TENT2: variants seen among roughly 807,000 people sequenced by gnomAD.
TENT2 encodes the protein poly(A) RNA polymerase GLD2.
In TENT2, 44 loss-of-function variants were observed where a neutral mutation model predicts 72.2. That is an observed-to-expected ratio of 0.61 (90% CI 0.48 to 0.78). The LOEUF (loss-of-function observed/expected upper bound fraction) is 0.78, where lower values mean the gene tolerates loss of function less well. Among genes scored for constraint, TENT2 ranks in the 30% least tolerant of loss-of-function variants. TENT2 has a pLI of 0.00. For synonymous variants in TENT2, 212 were observed against 192.5 expected (o/e 1.10, Z -0.84); for missense variants, 541 against 569.6 (o/e 0.95, Z 0.51).
At chr5:79,621,179 A>G (rs1386017627) in intron 3 of TENT2, among the ~76,000 whole-genome samples, 2 of 152,134 alleles carry the variant, frequency 1.3e-5, no homozygotes, top group African/African-American at 4.8e-5. Flanking sequence ...CTTTACAACT[A>G]ACGGTTTGAT....
chr5:79,667,855 A>G (rs1282845199), intron 11 of TENT2, among the ~76,000 whole-genome samples: 2 of 141,992 alleles, frequency 1.4e-5, no homozygotes, highest in Non-Finnish European at 3.0e-5. Context: ...CTTTAATTAC[A>G]TTAGTATCTA....
intron 11 of TENT2, among the ~76,000 whole-genome samples, chr5:79,667,780 A>G (rs984063798): frequency 1.3e-5 from 2 of 152,090 alleles, no homozygotes; most frequent in African/African-American, 2.4e-5. Context: ...ATGATGCACT[A>G]TGCAATTTCT....
At chr5:79,648,346 G>A (rs1202700583) in intron 8 of TENT2, among the ~76,000 whole-genome samples, 1 of 152,040 alleles carries the variant, frequency 6.6e-6, no homozygotes, top group Non-Finnish European at 1.5e-5. Context: ...TTTTATTTGG[G>A]GTAATTGGAG....
chr5:79,647,579 A>C (rs1458309223), intron 8 of TENT2, among the ~76,000 whole-genome samples: 1 of 152,204 alleles, frequency 6.6e-6, no homozygotes. Context: ...GATAATGGAA[A>C]GATTGTAAGA....
intron 12 of TENT2, among the ~76,000 whole-genome samples, chr5:79,672,950 C>G (rs990974342): frequency 1.3e-5 from 2 of 152,134 alleles, no homozygotes; most frequent in African/African-American, 4.8e-5. Context: ...TCCTTGCCAG[C>G]ATTCATTGTT....
intron 10 of TENT2, among the ~76,000 whole-genome samples, chr5:79,650,054 C>T (rs1172848208): frequency 2.0e-5 from 3 of 151,930 alleles, no homozygotes; most frequent in African/African-American, 7.2e-5. Context: ...ACATGAAGAC[C>T]GAGTGAAAGA....
chr5:79,613,238 G>C (rs2149749139), intron 1 of TENT2, among the ~76,000 whole-genome samples, 163 bp downstream of exon 1: 1 of 152,274 alleles, frequency 6.6e-6, no homozygotes, highest in Middle Eastern at 3.4e-3. Flanking sequence ...AAAGCTCTTC[G>C]TCTCTCAAGG....
At chr5:79,676,762 G>A (rs1021517936) in intron 12 of TENT2, among the ~76,000 whole-genome samples, 3 of 152,038 alleles carry the variant, frequency 2.0e-5, no homozygotes, top group South Asian at 2.1e-4. Context: ...CCCCATATCT[G>A]TTCTTCTTTC....
intron 1 of TENT2, among the ~76,000 whole-genome samples, chr5:79,617,210 G>A (rs1225796948): frequency 6.6e-6 from 1 of 150,684 alleles, no homozygotes; most frequent in Non-Finnish European, 1.5e-5. Flanking sequence ...AGCACTTTTT[G>A]TACCCTCTTG....
chr5:79,683,923 CAAAAAAAAAA>C (rs761567083), intron 14 of TENT2, among the ~76,000 whole-genome samples: 14 of 41,564 alleles, frequency 3.4e-4, no homozygotes, highest in South Asian at 9.9e-4. Flanking sequence ...GACTCCGTCT[CAAAAAAAAAA>C]AAAAAAAAAA....
rs71855117 is a variant in TENT2 at position 79,659,556 on chromosome 5, GTATATATATATATA to G, written c.1071+2580_1071+2593del. Reference sequence around the variant, plus strand: ...CAAAAAAAAAAAAAAAAAAAAAAATGTATATATATATATATATATATATATATATATATATATAA... The same window carrying G: ...CAAAAAAAAAAAAAAAAAAAAAAATGTATATATATATATATATATATATAA... On this transcript the variant is annotated intron_variant, in intron 11 of 14. Coordinates refer to ENST00000453514, the MANE Select transcript of TENT2 (RefSeq NM_001114394.3). 1.7e-3 allele frequency among the ~76,000 whole-genome samples: 59 copies of G among 34,274 alleles called. 3 individuals carry two copies. Among genetic ancestry groups the G allele is most frequent in the South Asian group, 0.014 (8 of 576 alleles). The allele number at this position is 34,274 out of a possible 152,430, so 22.5% of individuals were successfully genotyped here. A position where few individuals can be genotyped will look rare whatever the true frequency, so the allele number is the denominator to read the frequency against.
At chr5:79,648,234 G>A (rs1139280) in intron 8 of TENT2, among the ~76,000 whole-genome samples, 30,829 of 151,922 alleles carry the variant, frequency 0.2, 4,617 homozygotes, top group African/African-American at 0.42. Flanking sequence ...CTTGAGCCCA[G>A]GAGCTTGAGG....
At chr5:79,626,496 A>G (rs1770042886) in intron 4 of TENT2, among the ~76,000 whole-genome samples, 1 of 151,420 alleles carries the variant, frequency 6.6e-6, no homozygotes, top group Non-Finnish European at 1.5e-5. Context: ...TTTATTAGAG[A>G]CGGGGTTTCA....
chr5:79,625,922 G>A (rs888882997), intron 4 of TENT2, among the ~76,000 whole-genome samples: 10 of 150,198 alleles, frequency 6.7e-5, no homozygotes, highest in Admixed American at 1.3e-4. Flanking sequence ...TCCACCTCCC[G>A]GGTTCAAGCG....
chr5:79,655,667 G>T (rs6875039), intron 10 of TENT2, among the ~76,000 whole-genome samples: 1 of 151,490 alleles, frequency 6.6e-6, no homozygotes, highest in African/African-American at 2.4e-5. Flanking sequence ...CTAGAATGTT[G>T]AGTATTTGAA....
Position 79,685,861 on chromosome 5 carries a change from A to T in TENT2, c.*588A>T, listed in dbSNP as rs1032335361. 6.5e-6 allele frequency: 1 copy of T among 152,758 alleles called. No individual in the cohort carries two copies. The highest frequency in any genetic ancestry group is 1.5e-5 in the Non-Finnish European group (1 of 68,152). 9.5% of individuals were successfully genotyped at this position (152,758 alleles called of 1,614,324 possible). A position where few individuals can be genotyped will look rare whatever the true frequency, so the allele number is the denominator to read the frequency against. On this transcript the variant is annotated 3_prime_UTR_variant, in exon 15 of 15. Coordinates refer to ENST00000453514, the MANE Select transcript of TENT2 (RefSeq NM_001114394.3). The stretch of plus-strand genomic sequence containing the variant: ...TTGGGTGTGTCTGTATTAGCATTTC[A>T]TTAGTACTTCACATGCTTTTGATGT...
At chr5:79,621,802 G>T (rs1333162711) in intron 3 of TENT2, among the ~76,000 whole-genome samples, 1 of 150,816 alleles carries the variant, frequency 6.6e-6, no homozygotes, top group Admixed American at 6.6e-5. Context: ...TTAATTTGTA[G>T]TTAAACATAT....
At chr5:79,679,054 C>T (rs990924113) in intron 12 of TENT2, among the ~76,000 whole-genome samples, 22 of 152,172 alleles carry the variant, frequency 1.4e-4, no homozygotes, top group African/African-American at 3.9e-4. Flanking sequence ...TACAGGTGCA[C>T]GCTACTGCGC....
At position 79,654,937 on chromosome 5, in the gene TENT2, A is replaced by G. The variant is rs751382911; in HGVS notation, c.1028-2021A>G. On this transcript the variant is annotated intron_variant, in intron 10 of 14. Transcript: ENST00000453514. ...CTACCAGCAAGCTGTTATGGAAACTATGGGCAAAGTAAAATTTTGTAGATT... is the reference window on the plus strand; with the variant it reads ...CTACCAGCAAGCTGTTATGGAAACTGTGGGCAAAGTAAAATTTTGTAGATT... Among the ~76,000 whole-genome samples the G allele has an allele frequency of 7.2e-5, 11 of 152,304 alleles. No individual in the cohort carries two copies. In the East Asian group the frequency reaches 9.6e-4, roughly 13 times the overall value.
Sources: gnomAD v4.1 joint callset for allele counts (sites outside exome capture counted in the v4.1 genomes callset) on GRCh38, gnomAD v4.1.1 for gene constraint, MANE v1.5 for transcripts, NCBI Gene and HGNC (gene_info 2026-07-23, HGNC 2026-07-21) for gene names.